ZNF277: variants seen among roughly 807,000 people sequenced by gnomAD.
The protein encoded by ZNF277 is zinc finger protein 277, also known as nuclear receptor-interacting factor 4.
Under a neutral mutation model 60.7 loss-of-function variants are expected in ZNF277, and 55 were observed. The ratio of observed to expected loss-of-function variants is 0.91; its 90% CI spans 0.73 to 1.13. The LOEUF (loss-of-function observed/expected upper bound fraction) is 1.13. Ranked by LOEUF, ZNF277 falls within the 50% of genes most tolerant of loss-of-function variation. ZNF277 has a pLI of 0.00. For missense variants in ZNF277, 510 were observed against 523.0 expected, an observed-to-expected ratio of 0.98 and a Z score of 0.24; for synonymous variants, 178 against 179.3, an observed-to-expected ratio of 0.99 and a Z score of 0.06.
chr7:112,318,647 G>A (rs1792898903), intron 5 of ZNF277, among the ~76,000 whole-genome samples: 1 of 152,038 alleles, frequency 6.6e-6, no homozygotes, highest in Non-Finnish European at 1.5e-5. Context: ...AAAAAGAAGT[G>A]GGGGCACTGG....
chr7:112,334,028 T>G (rs1793280086), intron 7 of ZNF277, among the ~76,000 whole-genome samples: 1 of 152,188 alleles, frequency 6.6e-6, no homozygotes, highest in African/African-American at 2.4e-5. Flanking sequence ...TGATTTAAAT[T>G]TTTTTATTCT....
chr7:112,230,331 T>C (rs2116976368), intron 1 of ZNF277, among the ~76,000 whole-genome samples: 1 of 152,308 alleles, frequency 6.6e-6, no homozygotes, highest in East Asian at 1.9e-4. Context: ...GTTAGGAGAC[T>C]TGTTAATTGG....
chr7:112,319,374 A>T (rs67064485), intron 5 of ZNF277, among the ~76,000 whole-genome samples: 12,036 of 152,098 alleles, frequency 0.079, 710 homozygotes, highest in African/African-American at 0.14. Flanking sequence ...GGGACAAGAG[A>T]CAAAGAGCAG....
chr7:112,254,827 C>T (rs1272980131), intron 1 of ZNF277, among the ~76,000 whole-genome samples: 1 of 151,864 alleles, frequency 6.6e-6, no homozygotes, highest in African/African-American at 2.4e-5. Context: ...AAAAATTAGC[C>T]GGGCGTGGTG....
At chr7:112,334,867 G>T (rs901106589) in intron 7 of ZNF277, among the ~76,000 whole-genome samples, 3 of 152,130 alleles carry the variant, frequency 2.0e-5, no homozygotes, top group Non-Finnish European at 4.4e-5. Context: ...CAAGCATCTT[G>T]TTGGCAGTGT....
intron 7 of ZNF277, among the ~76,000 whole-genome samples, chr7:112,335,234 C>T (rs1016274): frequency 0.36 from 54,209 of 151,970 alleles, 12,541 homozygotes; most frequent in African/African-American, 0.66. Context: ...TCAGGTGGGC[C>T]TGATCCTAAC....
chr7:112,331,495 A>G (rs1793229031), intron 7 of ZNF277, among the ~76,000 whole-genome samples: 1 of 152,190 alleles, frequency 6.6e-6, no homozygotes, highest in Non-Finnish European at 1.5e-5. Context: ...CAGCCATTTT[A>G]TCTATTGGAT....
At chr7:112,341,699 G>A (rs1793448737) in intron 11 of ZNF277, among the ~76,000 whole-genome samples, 1 of 152,196 alleles carries the variant, frequency 6.6e-6, no homozygotes, top group South Asian at 2.1e-4. Context: ...CCTTTGCCAA[G>A]AACCTTCTGG....
chr7:112,296,437 A>G (rs1792334057), intron 4 of ZNF277, 126 bp downstream of exon 4: 2 of 475,326 alleles, frequency 4.2e-6, no homozygotes, highest in Admixed American at 8.3e-5. Context: ...AAAAGAGGAG[A>G]CAATACAAAA....
At chr7:112,237,701 A>G (rs73195217) in intron 1 of ZNF277, among the ~76,000 whole-genome samples, 74 of 152,264 alleles carry the variant, frequency 4.9e-4, no homozygotes, top group Non-Finnish European at 7.9e-4. Context: ...AGCAACAAAA[A>G]AAGCCCAGGA....
intron 1 of ZNF277, among the ~76,000 whole-genome samples, chr7:112,249,096 C>G (rs1314867622): frequency 6.6e-6 from 1 of 152,120 alleles, no homozygotes; most frequent in East Asian, 1.9e-4. Flanking sequence ...ATGGGTAATA[C>G]TAGTTGTGGT....
intron 1 of ZNF277, among the ~76,000 whole-genome samples, chr7:112,227,240 G>A (rs902563474): frequency 2.6e-5 from 4 of 152,020 alleles, no homozygotes; most frequent in African/African-American, 4.8e-5. Flanking sequence ...TCAGAAATTC[G>A]AACATATTTT....
chr7:112,329,734 A>C (rs1358834362), intron 6 of ZNF277, among the ~76,000 whole-genome samples: 1 of 152,224 alleles, frequency 6.6e-6, no homozygotes, highest in Non-Finnish European at 1.5e-5. Context: ...CAATGGGTGC[A>C]GTCAGTGCAA....
intron 1 of ZNF277, among the ~76,000 whole-genome samples, chr7:112,236,360 A>T (rs760870282): frequency 6.6e-6 from 1 of 152,128 alleles, no homozygotes. Flanking sequence ...TCCCTTGATT[A>T]CATTAGACCT....
chr7:112,334,269 T>C (rs1304556065), intron 7 of ZNF277, among the ~76,000 whole-genome samples: 1 of 152,148 alleles, frequency 6.6e-6, no homozygotes, highest in Non-Finnish European at 1.5e-5. Context: ...TCATGAGCCA[T>C]CTGATGCAGG....
chr7:112,240,559 A>G (rs1790922742), intron 1 of ZNF277, among the ~76,000 whole-genome samples: 1 of 152,144 alleles, frequency 6.6e-6, no homozygotes, highest in African/African-American at 2.4e-5. Context: ...TGTACCCACA[A>G]AAAAATTTTT....
chr7:112,238,979 C>T (rs1369778832), intron 1 of ZNF277, among the ~76,000 whole-genome samples: 5 of 151,902 alleles, frequency 3.3e-5, no homozygotes, highest in African/African-American at 1.2e-4. Flanking sequence ...AGGAAACAAC[C>T]CAGTCTAAGC....
chr7:112,206,733 C>T lies in ZNF277; in HGVS notation c.17C>T (p.Thr6Ile), dbSNP rs1244670013. The change falls in exon 1 of 12, where the codon ACC (threonine) becomes ATC (isoleucine). Residue 6 changes from threonine to isoleucine, a missense_variant. Thr to Ile is a moderately conservative substitution (Grantham distance 89). Coordinates refer to ENST00000361822, the MANE Select transcript of ZNF277 (RefSeq NM_021994.3). ...TGCCGGGTAATGGCTGCTTCCAAGA[C>T]CCAGGGGGCTGTCGCCCGAATGCAG... Reference protein sequence around the residue: MAASKTQGAVARMQED... With the variant: MAASKIQGAVARMQED... 1.6e-5 allele frequency: 26 copies of T among 1,613,206 alleles called. No individual in the cohort carries two copies. The highest frequency in any genetic ancestry group is 2.0e-5 in the Non-Finnish European group (24 of 1,179,704).
At chr7:112,340,316 C>G (rs1018046581) in intron 10 of ZNF277, among the ~76,000 whole-genome samples, 6 of 152,100 alleles carry the variant, frequency 3.9e-5, no homozygotes, top group African/African-American at 1.2e-4. Flanking sequence ...AGCAGTATAG[C>G]TAGGATTGTT....
Sources: gnomAD v4.1 joint callset for allele counts (sites outside exome capture counted in the v4.1 genomes callset) on GRCh38, gnomAD v4.1.1 for gene constraint, MANE v1.5 for transcripts, NCBI Gene and HGNC (gene_info 2026-07-23, HGNC 2026-07-21) for gene names.